The following LOC400499 variants were observed in gnomAD, a reference collection of about 807,000 sequenced individuals.
chr16:11,453,644 A>G, the LOC400499 span, among the ~76,000 whole-genome samples: 2 of 152,104 alleles, frequency 1.3e-5, no homozygotes, highest in African/African-American at 4.8e-5. Context: ...GCTCTTGAAC[A>G]GAACCAAAGG....
At chr16:11,388,977 C>T in the LOC400499 span, among the ~76,000 whole-genome samples, 1 of 152,162 alleles carries the variant, frequency 6.6e-6, no homozygotes, top group African/African-American at 2.4e-5. Context: ...ATCCCAGCTA[C>T]TTGAGAGGCT....
At chr16:11,407,346 G>GA in the LOC400499 span, 10,314 of 344,986 alleles carry the variant, frequency 0.03, 171 homozygotes, top group African/African-American at 0.1. Flanking sequence ...AGCTGGGTCA[G>GA]AAAAAAAAAA....
At chr16:11,445,937 G>C in the LOC400499 span, among the ~76,000 whole-genome samples, 1 of 149,614 alleles carries the variant, frequency 6.7e-6, no homozygotes, top group East Asian at 2.0e-4. Context: ...GGGTTCTCCT[G>C]CCTCAGCCTC....
At chr16:11,444,550 G>A in the LOC400499 span, among the ~76,000 whole-genome samples, 23 of 152,210 alleles carry the variant, frequency 1.5e-4, no homozygotes, top group Admixed American at 1.5e-3. Context: ...GTAGTTATGA[G>A]TGAACAAGAC....
At chr16:11,445,089 T>TTA in the LOC400499 span, among the ~76,000 whole-genome samples, 1 of 143,568 alleles carries the variant, frequency 7.0e-6, no homozygotes, top group Non-Finnish European at 1.5e-5. Context: ...ACTTTGTCTT[T>TTA]AAAAAAAAAA....
the LOC400499 span, among the ~76,000 whole-genome samples, chr16:11,522,599 T>C: frequency 2.0e-5 from 3 of 152,186 alleles, no homozygotes; most frequent in South Asian, 6.2e-4. Context: ...GTAACTCAGT[T>C]AAGCTTCATA....
the LOC400499 span, among the ~76,000 whole-genome samples, chr16:11,479,777 A>G: frequency 0.051 from 7,740 of 152,174 alleles, 451 homozygotes; most frequent in East Asian, 0.14. Flanking sequence ...GTTTCTATCA[A>G]CTAAACTCCA....
At chr16:11,398,887 C>A in the LOC400499 span, among the ~76,000 whole-genome samples, 1 of 152,086 alleles carries the variant, frequency 6.6e-6, no homozygotes, top group African/African-American at 2.4e-5. Context: ...CAGGTGATCC[C>A]CCCACCTCAG....
At chr16:11,512,380 G>C in the LOC400499 span, among the ~76,000 whole-genome samples, 1 of 152,052 alleles carries the variant, frequency 6.6e-6, no homozygotes. Flanking sequence ...AGGCAGATCA[G>C]ACACCTGAGG....
At chr16:11,510,863 C>T in the LOC400499 span, among the ~76,000 whole-genome samples, 7 of 151,600 alleles carry the variant, frequency 4.6e-5, no homozygotes, top group East Asian at 5.8e-4. Context: ...GAGCCCAGCG[C>T]GGAACTTCAA....
chr16:11,513,894 G>T, the LOC400499 span, among the ~76,000 whole-genome samples: 1,229 of 152,168 alleles, frequency 8.1e-3, 18 homozygotes, highest in African/African-American at 0.028. Flanking sequence ...CATTATTCAG[G>T]AAGACAACTG....
chr16:11,503,029 C>T, the LOC400499 span, among the ~76,000 whole-genome samples: 1 of 151,094 alleles, frequency 6.6e-6, no homozygotes, highest in Non-Finnish European at 1.5e-5. Flanking sequence ...TCCAGCGATC[C>T]TCCCACCTCA....
chr16:11,398,593 G>A, the LOC400499 span: 1 of 1,037,084 alleles, frequency 9.6e-7, no homozygotes, highest in Non-Finnish European at 1.2e-6. Flanking sequence ...CCTCACCTAG[G>A]CAAGAGCATG....
the LOC400499 span, chr16:11,469,415 G>T: frequency 2.5e-6 from 1 of 398,862 alleles, no homozygotes; most frequent in South Asian, 1.3e-4. Context: ...GGAGGTCACA[G>T]ACAAACCTAT....
the LOC400499 span, among the ~76,000 whole-genome samples, chr16:11,461,645 C>T: frequency 5.9e-5 from 9 of 152,216 alleles, no homozygotes; most frequent in Non-Finnish European, 1.2e-4. Flanking sequence ...TCAGCCAGAA[C>T]GCACAGGTGA....
At chr16:11,431,355 A>G in the LOC400499 span, 1 of 397,810 alleles carries the variant, frequency 2.5e-6, no homozygotes, top group Admixed American at 4.4e-5. Context: ...TCTGGGCATC[A>G]GTTTCTCCTT....
the LOC400499 span, among the ~76,000 whole-genome samples, chr16:11,459,207 T>C: frequency 1.8e-4 from 25 of 142,230 alleles, no homozygotes; most frequent in African/African-American, 6.4e-4. Flanking sequence ...TTTTTTTTTT[T>C]TTTTTTTGAA....
chr16:11,513,959 T>C, the LOC400499 span, among the ~76,000 whole-genome samples: 1 of 152,158 alleles, frequency 6.6e-6, no homozygotes, highest in African/African-American at 2.4e-5. Flanking sequence ...CGCTTGTTTC[T>C]TTCTGTGCAG....
At chr16:11,393,596 G>A in the LOC400499 span, 8 of 1,231,252 alleles carry the variant, frequency 6.5e-6, no homozygotes, top group Non-Finnish European at 8.1e-6. Flanking sequence ...GTGGAGCCTG[G>A]CCCACCTGTC....
Sources: allele counts gnomAD v4.1 joint callset (sites outside exome capture counted in the v4.1 genomes callset), GRCh38; gene constraint gnomAD v4.1.1; transcripts MANE v1.5.